The following IL19 variants were observed in gnomAD, a reference collection of about 807,000 sequenced individuals.
IL19 encodes the protein interleukin-19.
In IL19, 15 loss-of-function variants were observed where a neutral mutation model predicts 19.5. That is an observed-to-expected ratio of 0.77 (90% CI 0.52 to 1.19). IL19 has a LOEUF of 1.19. IL19 is among the 50% of genes most tolerant of loss of function. The pLI, the probability that IL19 is intolerant of heterozygous loss-of-function variation, is 0.00. For missense variants in IL19, 199 were observed against 213.1 expected (o/e 0.93, Z 0.41); for synonymous variants, 78 against 78.3 (o/e 1.00, Z 0.02).
At chr1:206,798,219 T>C (rs1468970939) in intron 1 of IL19, among the ~76,000 whole-genome samples, 2 of 152,154 alleles carry the variant, frequency 1.3e-5, no homozygotes, top group Non-Finnish European at 2.9e-5. Context: ...GGTGCGATCA[T>C]AGTGCACTGC....
At chr1:206,775,297 C>T (rs1301168463) in intron 1 of IL19, among the ~76,000 whole-genome samples, 1 of 152,084 alleles carries the variant, frequency 6.6e-6, no homozygotes, top group Non-Finnish European at 1.5e-5. Flanking sequence ...TATGATCCGC[C>T]CGCCTTGGCC....
intron 1 of IL19, among the ~76,000 whole-genome samples, chr1:206,786,566 G>C (rs1286292945): frequency 6.6e-6 from 1 of 152,208 alleles, no homozygotes; most frequent in South Asian, 2.1e-4. Context: ...GGTAAAATCA[G>C]AGGGCTTTAG....
At chr1:206,783,200 A>G (rs1021568760) in intron 1 of IL19, among the ~76,000 whole-genome samples, 1 of 152,126 alleles carries the variant, frequency 6.6e-6, no homozygotes, top group African/African-American at 2.4e-5. Context: ...GAGACCATCT[A>G]TAGAAGGAGG....
intron 6 of IL19, among the ~76,000 whole-genome samples, chr1:206,842,268 A>T (rs911727982): frequency 6.6e-6 from 1 of 152,214 alleles, no homozygotes; most frequent in African/African-American, 2.4e-5. Flanking sequence ...GAGGAAAAAA[A>T]AACCTGAGGG....
At chr1:206,825,979 A>C (rs1676426092) in intron 2 of IL19, among the ~76,000 whole-genome samples, 1 of 152,192 alleles carries the variant, frequency 6.6e-6, no homozygotes, top group Non-Finnish European at 1.5e-5. Context: ...CCAACTTAAA[A>C]ATGGGGCCAT....
intron 1 of IL19, among the ~76,000 whole-genome samples, chr1:206,782,960 C>T (rs542923189): frequency 6.6e-6 from 1 of 152,334 alleles, no homozygotes; most frequent in Non-Finnish European, 1.5e-5. Context: ...AAAATAAAAA[C>T]AGACATTTCC....
At chr1:206,790,517 A>T (rs932147892) in intron 1 of IL19, among the ~76,000 whole-genome samples, 15 of 152,214 alleles carry the variant, frequency 9.9e-5, no homozygotes, top group African/African-American at 3.4e-4. Context: ...GAAGATAAAC[A>T]ACGTTGAGTC....
At chr1:206,788,987 G>A (rs1675328037) in intron 1 of IL19, among the ~76,000 whole-genome samples, 1 of 152,212 alleles carries the variant, frequency 6.6e-6, no homozygotes, top group Non-Finnish European at 1.5e-5. Context: ...CATCTCATCT[G>A]CTGATCAAGA....
At chr1:206,796,227 G>A (rs1015066035) in intron 1 of IL19, among the ~76,000 whole-genome samples, 5 of 152,096 alleles carry the variant, frequency 3.3e-5, no homozygotes, top group African/African-American at 1.2e-4. Context: ...CTACTGTTAC[G>A]CTTTGTAGAT....
At chr1:206,782,801 C>G (rs555368479) in intron 1 of IL19, among the ~76,000 whole-genome samples, 1 of 152,192 alleles carries the variant, frequency 6.6e-6, no homozygotes, top group Non-Finnish European at 1.5e-5. Context: ...AGCTGTTGGA[C>G]AGGCTCTACT....
Position 206,842,923 on chromosome 1 carries a change from C to T in IL19, c.*301C>T, listed in dbSNP as rs1208828423. The T allele has an allele frequency of 4.1e-6, 1 of 243,770 alleles. No individual in the cohort carries two copies. The allele number at this position is 243,770 out of a possible 1,614,324, so 15.1% of individuals were successfully genotyped here. A position where few individuals can be genotyped will look rare whatever the true frequency, so the allele number is the denominator to read the frequency against. On this transcript the variant is annotated 3_prime_UTR_variant, in exon 7 of 7. Transcript: ENST00000659997. ...TCTGTGATGTGAGCCAAGTGATATC[C>T]TGTAGTACACATTGTACTGAGTGGT...
At chr1:206,799,836 T>A (rs1384148341) in intron 2 of IL19, among the ~76,000 whole-genome samples, 1 of 152,200 alleles carries the variant, frequency 6.6e-6, no homozygotes, top group South Asian at 2.1e-4. Context: ...GACCCTCTGA[T>A]CAATCCTATG....
At chr1:206,821,300 T>C (rs1676284733) in intron 2 of IL19, among the ~76,000 whole-genome samples, 1 of 152,238 alleles carries the variant, frequency 6.6e-6, no homozygotes. Flanking sequence ...AGAGCCACAG[T>C]GAAGCAGGTT....
chr1:206,826,340 AGAAAATCCTCTAG>A (rs1676432727), intron 2 of IL19, among the ~76,000 whole-genome samples: 1 of 152,188 alleles, frequency 6.6e-6, no homozygotes, highest in Non-Finnish European at 1.5e-5. Flanking sequence ...AACCCAGGGC[AGAAAATCCTCTAG>A]GAAAGGAAGT....
chr1:206,798,015 C>T (rs535519775), intron 1 of IL19, among the ~76,000 whole-genome samples: 14 of 152,244 alleles, frequency 9.2e-5, no homozygotes, highest in Non-Finnish European at 8.8e-5. Context: ...AGTCCTTTCT[C>T]AGAGAGCCCA....
chr1:206,806,929 G>A (rs535602359), intron 2 of IL19, among the ~76,000 whole-genome samples: 18 of 152,162 alleles, frequency 1.2e-4, no homozygotes, highest in African/African-American at 2.9e-4. Flanking sequence ...GTATTAGTTC[G>A]TTCTCCCACT....
At chr1:206,787,038 ACT>A (rs1558607661) in intron 1 of IL19, among the ~76,000 whole-genome samples, 1 of 151,948 alleles carries the variant, frequency 6.6e-6, no homozygotes, top group Non-Finnish European at 1.5e-5. Flanking sequence ...TGACATTTGC[ACT>A]CCCAAATGCC....
Position 206,817,605 on chromosome 1 carries a change from A to G in IL19, c.-3+18599A>G, listed in dbSNP as rs574669808. ...TTCAGAGAGGCATATTACCAGGGAT[A>G]AAGAAGGTCATTTCATAATGATAAA... On this transcript the variant is annotated intron_variant, in intron 2 of 6. Transcript: ENST00000659997. Among the ~76,000 whole-genome samples, 11 of 152,300 alleles carry G rather than the reference A, an allele frequency of 7.2e-5. No homozygotes were observed. In the East Asian group the frequency reaches 1.7e-3, roughly 24 times the overall value.
intron 2 of IL19, among the ~76,000 whole-genome samples, chr1:206,829,787 T>A (rs1459131036): frequency 6.6e-6 from 1 of 152,164 alleles, no homozygotes; most frequent in Non-Finnish European, 1.5e-5. Flanking sequence ...GGCTCTTTCA[T>A]AACATTTGAA....
Sources: allele counts gnomAD v4.1 joint callset (sites outside exome capture counted in the v4.1 genomes callset), GRCh38; gene constraint gnomAD v4.1.1; transcripts MANE v1.5; gene names NCBI Gene and HGNC (gene_info 2026-07-23, HGNC 2026-07-21).